Variants in ZBTB38 observed in about 807,000 individuals in gnomAD.
The protein encoded by ZBTB38 is zinc finger and BTB domain containing 38.
A neutral mutation model predicts 76.8 loss-of-function variants in ZBTB38; 20 were observed. The ratio of observed to expected loss-of-function variants is 0.26; its 90% confidence interval spans 0.18 to 0.38. The LOEUF (loss-of-function observed/expected upper bound fraction) is 0.38. Ranked by LOEUF, ZBTB38 falls within the 10% of genes least tolerant of loss-of-function variation. The probability of loss-of-function intolerance (pLI) is 1.00; values close to 1 mark genes in which losing one functional copy is unlikely to be tolerated. For synonymous variants in ZBTB38, 504 were observed against 544.2 expected, an observed-to-expected ratio of 0.93 and a Z score of 1.03; for missense variants, 1,082 against 1,482.3, an observed-to-expected ratio of 0.73 and a Z score of 4.43.
At chr3:141,422,129 AG>A (rs1300254806) in intron 5 of ZBTB38, among the ~76,000 whole-genome samples, 4 of 152,324 alleles carry the variant, frequency 2.6e-5, no homozygotes, top group African/African-American at 9.6e-5. Flanking sequence ...CTCCTTACTA[AG>A]CCCATGACAC....
rs1199946501 is a variant in ZBTB38 at position 141,446,099 on chromosome 3, T to C, written c.*123T>C. 1 of 784,032 alleles carries C rather than the reference T, an allele frequency of 1.3e-6. No individual in the cohort carries two copies. The highest frequency in any genetic ancestry group is 1.8e-6 in the Non-Finnish European group (1 of 546,860). The allele number at this position is 784,032 out of a possible 1,614,324, so 48.6% of individuals were successfully genotyped here. On this transcript the variant is annotated 3_prime_UTR_variant, in exon 6 of 6. Transcript: ENST00000321464. ...GAGTGAAATTAAAAAAAAAAAAAAC[T>C]CATTTGTGAAAATTCCAGAAAAAGG...
Position 141,443,560 on chromosome 3 carries a change from A to G in ZBTB38, c.1172A>G (p.Gln391Arg), listed in dbSNP as rs1559965674. Residue 391 changes from glutamine (Q) to arginine (R), a missense_variant, in exon 6 of 6, where the codon CAG becomes CGG. This residue lies in a region of ZBTB38 where 324 missense variants were observed against 359.1 expected (regional missense o/e 0.90). Transcript: ENST00000321464. The surrounding 1 kb of genome is among the most constrained non-coding windows in gnomAD (Gnocchi z 5.6). The part of the protein sequence containing the change: ...TTLNRLDRHE[Q>R]ICMRSSHMPI... ...CTGAACAGGTTGGATCGGCATGAAC[A>G]GATCTGCATGAGGTCAAGCCACATG... The G allele has an allele frequency of 6.2e-7, 1 of 1,614,266 alleles. No homozygotes were observed. Among genetic ancestry groups the G allele is most frequent in the East Asian group, 2.2e-5 (1 of 44,892 alleles).
intron 4 of ZBTB38, among the ~76,000 whole-genome samples, chr3:141,391,964 C>T (rs1284155935): frequency 6.6e-6 from 1 of 152,066 alleles, no homozygotes; most frequent in East Asian, 1.9e-4. Context: ...TTAAAAAATT[C>T]TTCTTAAGAA....
chr3:141,354,069 C>G (rs1186399441), intron 1 of ZBTB38, among the ~76,000 whole-genome samples: 1 of 152,148 alleles, frequency 6.6e-6, no homozygotes, highest in African/African-American at 2.4e-5. Context: ...CACACTCTTA[C>G]AAATAGTGTG....
At chr3:141,363,639 G>C (rs1019477336), upstream of ZBTB38, among the ~76,000 whole-genome samples, 13 of 152,132 alleles carry the variant, frequency 8.5e-5, no homozygotes, top group African/African-American at 3.1e-4. Flanking sequence ...CAATTCAATA[G>C]AGGGAAAAAT....
rs1372143743 is a variant in ZBTB38 at position 141,445,196 on chromosome 3, A to T, written c.2808A>T (p.Lys936Asn). The change falls in exon 6 of 6, where the codon AAA (lysine) becomes AAT (asparagine). Residue 936 changes from lysine (K) to asparagine (N), a missense_variant. By Grantham distance (94) the Lys-to-Asn change is moderately conservative. Coordinates refer to ENST00000321464, the MANE Select transcript of ZBTB38 (RefSeq NM_001376113.1). The surrounding 1 kb of genome is among the most constrained non-coding windows in gnomAD (Gnocchi z 6.5). ...CCAGACAGTTGAAAAAAATGAGGAA[A>T]GTCAACTGGAGGAAGGAGCACGGAA... Reference protein sequence around the residue: ...KKSRQLKKMRKVNWRKEHGNR... With the variant: ...KKSRQLKKMRNVNWRKEHGNR... The T allele has an allele frequency of 1.2e-5, 20 of 1,614,048 alleles. No homozygotes were observed. The highest frequency in any genetic ancestry group is 1.7e-5 in the Non-Finnish European group (20 of 1,180,022).
intron 1 of ZBTB38, among the ~76,000 whole-genome samples, chr3:141,357,774 C>T (rs920686503): frequency 2.9e-4 from 44 of 152,212 alleles, no homozygotes; most frequent in Admixed American, 1.3e-4. Flanking sequence ...GCATGAACCA[C>T]TGCGCCTGGC....
At chr3:141,341,258 T>C (rs77317110) in intron 1 of ZBTB38, among the ~76,000 whole-genome samples, 3,686 of 152,334 alleles carry the variant, frequency 0.024, 170 homozygotes, top group East Asian at 0.21. Flanking sequence ...TTTCCTAGAA[T>C]GTTAAACATA....
At chr3:141,423,231 A>G (rs2075768231) in intron 5 of ZBTB38, among the ~76,000 whole-genome samples, 1 of 152,214 alleles carries the variant, frequency 6.6e-6, no homozygotes. Flanking sequence ...CCTGCTTCCA[A>G]TACCTTTCAA....
intron 3 of ZBTB38, among the ~76,000 whole-genome samples, chr3:141,385,649 A>AGT (rs10617390): frequency 0.066 from 9,702 of 147,036 alleles, 389 homozygotes; most frequent in African/African-American, 0.11. Flanking sequence ...TCGAGCTTTG[A>AGT]GTGTGTGTGT....
Position 141,442,478 on chromosome 3 carries a change from C to T in ZBTB38, c.90C>T (p.Gly30=). 1 of 1,614,140 alleles carries T rather than the reference C, an allele frequency of 6.2e-7. No individual in the cohort carries two copies. Among genetic ancestry groups the T allele is most frequent in the Non-Finnish European group, 8.5e-7 (1 of 1,180,020 alleles). ...TCTTAAATGAGCAGCGCATTCGGGG[C>T]ATTTTATGCGATGTCACTATCATTG... ...LSILNEQRIR[G]ILCDVTIIVE... The change falls in exon 6 of 6, where the codon GGC becomes GGT. Residue 30 remains glycine (G), a synonymous_variant. Transcript: ENST00000321464. The surrounding 1 kb of genome is among the most constrained non-coding windows in gnomAD (Gnocchi z 6.4).
intron 5 of ZBTB38, among the ~76,000 whole-genome samples, chr3:141,426,912 G>A (rs1481599112): frequency 1.3e-5 from 2 of 152,158 alleles, no homozygotes; most frequent in Non-Finnish European, 2.9e-5. Context: ...GTGGGCAGTG[G>A]ATAGCTCTGT....
rs116114186 is a variant in ZBTB38, at chr3:141,413,695, T to C, written c.-1+9664T>C. Among the ~76,000 whole-genome samples, 300 of 152,270 alleles carry C rather than the reference T, an allele frequency of 2.0e-3. No individual in the cohort carries two copies. The highest frequency in any genetic ancestry group is 3.2e-3 in the Non-Finnish European group (215 of 68,010). The stretch of plus-strand genomic sequence containing the variant: ...CTCATGATGACTTGTGGGATGCTTG[T>C]TTTAAAGGAGAGCTGAGTGCCTCTG... On this transcript the variant is annotated intron_variant, in intron 5 of 5. Transcript: ENST00000321464. The surrounding 1 kb of genome is among the most constrained non-coding windows in gnomAD (Gnocchi z 4.1).
At chr3:141,394,799 A>G (rs1949947694) in intron 4 of ZBTB38, among the ~76,000 whole-genome samples, 2 of 152,180 alleles carry the variant, frequency 1.3e-5, no homozygotes, top group Non-Finnish European at 2.9e-5. Context: ...CTAAGCTCTT[A>G]TGGGAATCTG....
At chr3:141,380,408 A>G (rs1024860037) in intron 2 of ZBTB38, among the ~76,000 whole-genome samples, 1 of 152,230 alleles carries the variant, frequency 6.6e-6, no homozygotes, top group African/African-American at 2.4e-5. Context: ...CCCCTTGGTA[A>G]ACAAGTGATT....
intron 2 of ZBTB38, among the ~76,000 whole-genome samples, chr3:141,379,221 G>C (rs978095095): frequency 6.6e-6 from 1 of 152,176 alleles, no homozygotes; most frequent in East Asian, 1.9e-4. Flanking sequence ...GAGCTGCCTG[G>C]GTTGGCAGTA....
chr3:141,390,506 C>T (rs6785012), intron 4 of ZBTB38, among the ~76,000 whole-genome samples: 80,187 of 152,154 alleles, frequency 0.53, 23,901 homozygotes, highest in African/African-American at 0.82. Flanking sequence ...TTGATCTACC[C>T]CATCCATTTC....
chr3:141,334,470 TTCC>T (rs1942957212), intron 1 of ZBTB38, among the ~76,000 whole-genome samples: 1 of 150,272 alleles, frequency 6.7e-6, no homozygotes, highest in African/African-American at 2.5e-5. Context: ...CCTTCCTTCC[TTCC>T]TTCTTTCCTT....
upstream of ZBTB38, chr3:141,366,796 C>T (rs999310021): frequency 1.3e-5 from 2 of 152,198 alleles, no homozygotes; most frequent in African/African-American, 4.8e-5. Flanking sequence ...TTGTCTTCCT[C>T]TTGGAATGAG....
Sources: allele counts gnomAD v4.1 joint callset (sites outside exome capture counted in the v4.1 genomes callset), GRCh38; gene constraint gnomAD v4.1.1; regional missense constraint gnomAD v4.1.1; non-coding constraint Gnocchi (gnomAD v3.1); transcripts MANE v1.5; gene names NCBI Gene and HGNC (gene_info 2026-07-23, HGNC 2026-07-21).